Variants in ZNF385D observed in about 807,000 individuals in gnomAD.
ZNF385D encodes the protein zinc finger protein 385D.
A neutral mutation model predicts 35.8 loss-of-function variants in ZNF385D; 15 were observed. That is an observed-to-expected ratio of 0.42 (90% CI 0.28 to 0.64). The LOEUF is 0.64. Ranked by LOEUF, ZNF385D falls within the 30% of genes least tolerant of loss-of-function variation. The pLI is 0.23. For missense variants in ZNF385D, 474 were observed against 494.6 expected (o/e 0.96, Z 0.39); for synonymous variants, 212 against 186.8 (o/e 1.13, Z -1.10).
At chr3:22,355,963 C>G (rs1442133867) in intron 2 of ZNF385D, among the ~76,000 whole-genome samples, 1 of 151,974 alleles carries the variant, frequency 6.6e-6, no homozygotes, top group Non-Finnish European at 1.5e-5. Flanking sequence ...TGTGTGTTAT[C>G]TTGTAAGTAG....
At position 21,416,931 on chromosome 3, in the gene ZNF385D, G is replaced by A. The variant is rs958428354; in HGVS notation, c.*4283C>T. ...GCCAGCTGTCTATTGCCTTTTTCAGGGTTGGTTTTGTTCAGAATTTATTAC... is the reference window on the plus strand; with the variant it reads ...GCCAGCTGTCTATTGCCTTTTTCAGAGTTGGTTTTGTTCAGAATTTATTAC... On this transcript the variant is annotated 3_prime_UTR_variant, in exon 8 of 8. Coordinates refer to ENST00000281523, the MANE Select transcript of ZNF385D (RefSeq NM_024697.3). 1.3e-5 allele frequency: 2 copies of A among 152,058 alleles called. No individual in the cohort carries two copies. Among genetic ancestry groups the A allele is most frequent in the African/African-American group, 4.8e-5 (2 of 41,404 alleles). The allele number at this position is 152,058 out of a possible 1,614,324, so 9.4% of individuals were successfully genotyped here.
intron 2 of ZNF385D, among the ~76,000 whole-genome samples, chr3:22,244,967 G>T (rs1204882577): frequency 6.6e-6 from 1 of 152,016 alleles, no homozygotes; most frequent in African/African-American, 2.4e-5. Context: ...GCATAGCCTG[G>T]TTCCAAATGG....
intron 3 of ZNF385D, among the ~76,000 whole-genome samples, chr3:21,914,664 A>G (rs1271944420): frequency 6.6e-6 from 1 of 152,108 alleles, no homozygotes; most frequent in Non-Finnish European, 1.5e-5. Flanking sequence ...GGAAGTTACA[A>G]TAAAAACAAA....
chr3:22,249,935 C>T (rs1699981529), intron 2 of ZNF385D, among the ~76,000 whole-genome samples: 1 of 152,154 alleles, frequency 6.6e-6, no homozygotes, highest in Non-Finnish European at 1.5e-5. Flanking sequence ...TCTAAGCTAA[C>T]TGGGCACCAC....
chr3:22,189,281 A>C (rs764570988), intron 2 of ZNF385D, among the ~76,000 whole-genome samples: 40 of 152,152 alleles, frequency 2.6e-4, no homozygotes, highest in Non-Finnish European at 4.7e-4. Flanking sequence ...TCCCTCTTAC[A>C]TATCCAGAAT....
At chr3:21,900,236 T>C (rs1351750447) in intron 3 of ZNF385D, among the ~76,000 whole-genome samples, 2 of 152,134 alleles carry the variant, frequency 1.3e-5, no homozygotes, top group Admixed American at 6.6e-5. Context: ...AGGAAAACAG[T>C]TGGAGCCACG....
intron 3 of ZNF385D, among the ~76,000 whole-genome samples, chr3:22,015,588 T>C (rs775205227): frequency 1.3e-5 from 2 of 152,126 alleles, no homozygotes; most frequent in Non-Finnish European, 2.9e-5. Flanking sequence ...ATCTCTCAGT[T>C]TGGAAATTTC....
intron 2 of ZNF385D, among the ~76,000 whole-genome samples, chr3:21,585,699 T>C (rs926958563): frequency 7.2e-5 from 11 of 152,074 alleles, no homozygotes; most frequent in Non-Finnish European, 1.5e-4. Context: ...TCCAAAACAT[T>C]CCACAGGAAA....
At chr3:22,062,869 A>G (rs1482899288) in intron 3 of ZNF385D, among the ~76,000 whole-genome samples, 5 of 152,230 alleles carry the variant, frequency 3.3e-5, no homozygotes, top group Admixed American at 3.3e-4. Flanking sequence ...AAACAGCCAT[A>G]TGAGTGAGTC....
At chr3:22,335,084 G>C (rs1461768781) in intron 2 of ZNF385D, among the ~76,000 whole-genome samples, 1 of 152,124 alleles carries the variant, frequency 6.6e-6, no homozygotes, top group East Asian at 1.9e-4. Context: ...TGCTTTCATT[G>C]AGTATTATAT....
intron 2 of ZNF385D, among the ~76,000 whole-genome samples, chr3:22,320,051 A>G (rs1174840522): frequency 6.6e-6 from 1 of 151,816 alleles, no homozygotes; most frequent in Non-Finnish European, 1.5e-5. Context: ...CACAAAACAC[A>G]TACAAACTTT....
intron 3 of ZNF385D, among the ~76,000 whole-genome samples, chr3:21,923,526 C>A (rs1322667875): frequency 6.6e-6 from 1 of 152,000 alleles, no homozygotes. Flanking sequence ...CAAAAGAAAA[C>A]AAATCATTCT....
chr3:22,258,431 T>C (rs1040904380), intron 2 of ZNF385D, among the ~76,000 whole-genome samples: 1 of 151,804 alleles, frequency 6.6e-6, no homozygotes, highest in African/African-American at 2.4e-5. Context: ...TTTGTTGCTA[T>C]TTTGGAAGAG....
At chr3:22,087,473 A>T (rs1701107310) in intron 3 of ZNF385D, among the ~76,000 whole-genome samples, 1 of 152,186 alleles carries the variant, frequency 6.6e-6, no homozygotes, top group African/African-American at 2.4e-5. Flanking sequence ...ACTTAATGAA[A>T]GGATGATGCT....
At chr3:21,658,170 AT>A (rs2066128850) in intron 2 of ZNF385D, among the ~76,000 whole-genome samples, 1 of 152,042 alleles carries the variant, frequency 6.6e-6, no homozygotes, top group Non-Finnish European at 1.5e-5. Flanking sequence ...CCTCACCAAC[AT>A]TTTATCACTA....
chr3:22,305,152 C>T (rs1311504667), intron 2 of ZNF385D, among the ~76,000 whole-genome samples: 1 of 151,876 alleles, frequency 6.6e-6, no homozygotes, highest in Non-Finnish European at 1.5e-5. Flanking sequence ...TCTTTATTCA[C>T]GAATTACTCG....
intron 3 of ZNF385D, among the ~76,000 whole-genome samples, chr3:21,809,286 A>G (rs1468438053): frequency 6.6e-6 from 1 of 152,128 alleles, no homozygotes; most frequent in African/African-American, 2.4e-5. Flanking sequence ...AGCTTTCAAG[A>G]ATGGAAAAAG....
At chr3:21,915,087 ATTTT>A (rs915148156) in intron 3 of ZNF385D, among the ~76,000 whole-genome samples, 1 of 151,322 alleles carries the variant, frequency 6.6e-6, no homozygotes, top group Admixed American at 6.6e-5. Context: ...AAAGAGTTGG[ATTTT>A]TTTAACACCT....
chr3:21,504,300 TTGA>T (rs142532805), intron 4 of ZNF385D, among the ~76,000 whole-genome samples: 4,091 of 152,218 alleles, frequency 0.027, 80 homozygotes, highest in Non-Finnish European at 0.041. Context: ...GGGGTTAGAC[TTGA>T]TGACCTTTAA....
Sources: gnomAD v4.1 joint callset for allele counts (sites outside exome capture counted in the v4.1 genomes callset) on GRCh38, gnomAD v4.1.1 for gene constraint, MANE v1.5 for transcripts, NCBI Gene and HGNC (gene_info 2026-07-23, HGNC 2026-07-21) for gene names.